The following PHLDB2 variants were observed in gnomAD, a reference collection of about 807,000 sequenced individuals.
PHLDB2 encodes the protein pleckstrin homology-like domain family B member 2.
In PHLDB2, 71 loss-of-function variants were observed where a neutral mutation model predicts 123.6. The ratio of observed to expected loss-of-function variants is 0.57; its 90% CI spans 0.47 to 0.70. The LOEUF (loss-of-function observed/expected upper bound fraction) is 0.70. Among genes scored for constraint, PHLDB2 ranks in the 30% least tolerant of loss-of-function variants. The probability of loss-of-function intolerance (pLI) is 0.00; values close to 1 mark genes in which losing one functional copy is unlikely to be tolerated. For synonymous variants in PHLDB2, 547 were observed against 541.6 expected (o/e 1.01, Z -0.14); for missense variants, 1,446 against 1,519.5 (o/e 0.95, Z 0.80).
intron 1 of PHLDB2, among the ~76,000 whole-genome samples, chr3:111,866,809 G>A (rs558317755): frequency 2.0e-5 from 3 of 152,216 alleles, no homozygotes; most frequent in African/African-American, 7.2e-5. Flanking sequence ...GGGTGATTAC[G>A]TAGTAAAGGA....
At chr3:111,787,622 A>G (rs1250304467) in intron 1 of PHLDB2, among the ~76,000 whole-genome samples, 1 of 152,086 alleles carries the variant, frequency 6.6e-6, no homozygotes, top group Non-Finnish European at 1.5e-5. Flanking sequence ...GGGCTACTCT[A>G]GGCTTTCTCT....
intron 2 of PHLDB2, among the ~76,000 whole-genome samples, chr3:111,889,325 C>A (rs751322446): frequency 2.0e-5 from 3 of 151,924 alleles, no homozygotes; most frequent in Non-Finnish European, 4.4e-5. Context: ...ACCCATGACA[C>A]AGCCCCAGGA....
At chr3:111,930,967 G>C (rs1236394639) in intron 5 of PHLDB2, among the ~76,000 whole-genome samples, 1 of 152,160 alleles carries the variant, frequency 6.6e-6, no homozygotes, top group African/African-American at 2.4e-5. Context: ...AACTGGTATT[G>C]ATATCATGTA....
chr3:111,937,263 G>A (rs1485422422), intron 6 of PHLDB2, among the ~76,000 whole-genome samples: 1 of 152,144 alleles, frequency 6.6e-6, no homozygotes, highest in Non-Finnish European at 1.5e-5. Context: ...TTATCATAAA[G>A]CTTGCTTTAT....
intron 2 of PHLDB2, among the ~76,000 whole-genome samples, chr3:111,905,568 G>A (rs2067465419): frequency 6.6e-6 from 1 of 152,054 alleles, no homozygotes; most frequent in Non-Finnish European, 1.5e-5. Context: ...TGTTGGCCAG[G>A]CTGGTCTCGA....
intron 7 of PHLDB2, 128 bp downstream of exon 7, chr3:111,939,758 G>T (rs567868672): frequency 1.1e-6 from 1 of 924,546 alleles, no homozygotes; most frequent in African/African-American, 1.7e-5. Flanking sequence ...GTGGCAAATG[G>T]TGTTCCAAAT....
chr3:111,943,423 C>A (rs561399792), intron 8 of PHLDB2, among the ~76,000 whole-genome samples: 4,736 of 152,044 alleles, frequency 0.031, 134 homozygotes, highest in South Asian at 0.13. Flanking sequence ...GATAAAGCTT[C>A]CAGAACAAAA....
chr3:111,864,478 T>G (rs192096909), intron 1 of PHLDB2, among the ~76,000 whole-genome samples: 3 of 152,344 alleles, frequency 2.0e-5, no homozygotes, highest in Non-Finnish European at 4.4e-5. Context: ...TTAATTTGCT[T>G]ACAGTTGTTT....
At chr3:111,844,450 ACT>A (rs1227078999) in intron 1 of PHLDB2, among the ~76,000 whole-genome samples, 1 of 151,196 alleles carries the variant, frequency 6.6e-6, no homozygotes, top group Non-Finnish European at 1.5e-5. Flanking sequence ...CCCAAATCAA[ACT>A]CTCTCTCCCC....
At chr3:111,862,606 GTAGGTTAACAAGAT>G in intron 1 of PHLDB2, among the ~76,000 whole-genome samples, 1 of 152,294 alleles carries the variant, frequency 6.6e-6, no homozygotes, top group East Asian at 1.9e-4. Flanking sequence ...GCCTGGGGGA[GTAGGTTAACAAGAT>G]TAGGCATCTT....
intron 12 of PHLDB2, among the ~76,000 whole-genome samples, chr3:111,959,118 C>T (rs990063849): frequency 6.6e-5 from 10 of 152,266 alleles, no homozygotes; most frequent in Admixed American, 2.6e-4. Context: ...TACCCAGCCC[C>T]GTCCCCTGAT....
At position 111,969,746 on chromosome 3, in the gene PHLDB2, C is replaced by G. The variant is rs777359544; in HGVS notation, c.3372C>G (p.Ser1124Arg). The G allele has an allele frequency of 6.2e-7, 1 of 1,614,028 alleles. No individual in the cohort carries two copies. The highest frequency in any genetic ancestry group is 1.7e-5 in the Admixed American group (1 of 60,012). ...PVRKEDFDLR[S>R]HVETAGHNID... ...GGAAGGAAGACTTTGATTTGCGGAG[C>G]CATGTAGAGACTGCTGGCCACAATA... is the stretch of plus-strand genomic sequence containing the variant. Residue 1124 changes from serine (S) to arginine (R), a missense_variant, in exon 16 of 18, where the codon AGC becomes AGG. This residue lies in a region of PHLDB2 where 594 missense variants were observed against 646.0 expected (regional missense o/e 0.92). Coordinates refer to ENST00000431670, the MANE Select transcript of PHLDB2 (RefSeq NM_001134438.2).
chr3:111,904,532 A>G (rs890818364), intron 2 of PHLDB2, among the ~76,000 whole-genome samples: 1 of 152,126 alleles, frequency 6.6e-6, no homozygotes. Flanking sequence ...TCTGGGAATG[A>G]GTGGAGATGG....
At chr3:111,920,529 T>C in intron 5 of PHLDB2, 110 bp downstream of exon 5, 1 of 1,340,016 alleles carries the variant, frequency 7.5e-7, no homozygotes, top group South Asian at 1.5e-5. Context: ...GTGTGTCATG[T>C]TCCTGGAGGC....
chr3:111,922,029 C>A (rs1208744391), intron 5 of PHLDB2, among the ~76,000 whole-genome samples: 1 of 152,228 alleles, frequency 6.6e-6, no homozygotes, highest in Non-Finnish European at 1.5e-5. Context: ...TTCAAAGATT[C>A]TGCAAGAAGC....
At chr3:111,795,222 G>A (rs1483885107) in intron 1 of PHLDB2, among the ~76,000 whole-genome samples, 1 of 152,228 alleles carries the variant, frequency 6.6e-6, no homozygotes, top group East Asian at 1.9e-4. Context: ...GTATTCTTAG[G>A]TCTCCACCCT....
chr3:111,795,566 A>T (rs1436595311), intron 1 of PHLDB2, among the ~76,000 whole-genome samples: 1 of 152,182 alleles, frequency 6.6e-6, no homozygotes, highest in Non-Finnish European at 1.5e-5. Context: ...GCTTTTGATA[A>T]ATAATCTCAC....
chr3:111,780,838 T>C (rs2060447973), intron 1 of PHLDB2, among the ~76,000 whole-genome samples: 1 of 152,060 alleles, frequency 6.6e-6, no homozygotes, highest in Non-Finnish European at 1.5e-5. Flanking sequence ...GATAGGTGTT[T>C]TCATATGTGA....
At chr3:111,810,705 A>G (rs547751627) in intron 1 of PHLDB2, among the ~76,000 whole-genome samples, 3 of 152,346 alleles carry the variant, frequency 2.0e-5, no homozygotes, top group African/African-American at 7.2e-5. Flanking sequence ...TAGCAATGAT[A>G]TAGCAACCCA....
Sources: gnomAD v4.1 joint callset for allele counts (sites outside exome capture counted in the v4.1 genomes callset) on GRCh38, gnomAD v4.1.1 for gene constraint, gnomAD v4.1.1 regional missense constraint, MANE v1.5 for transcripts, NCBI Gene and HGNC (gene_info 2026-07-23, HGNC 2026-07-21) for gene names.